SUMF1: variants seen among roughly 807,000 people sequenced by gnomAD.
The protein encoded by SUMF1 is sulfatase modifying factor 1, also known as formylglycine-generating enzyme.
SUMF1 carries 48 observed loss-of-function variants against 47.6 expected under a neutral mutation model. The ratio of observed to expected loss-of-function variants is 1.01; its 90% CI spans 0.80 to 1.28. The LOEUF (loss-of-function observed/expected upper bound fraction) is 1.28, where lower values mean the gene tolerates loss of function less well. Ranked by LOEUF, SUMF1 falls within the 50% of genes most tolerant of loss-of-function variation. The pLI, the probability that SUMF1 is intolerant of heterozygous loss-of-function variation, is 0.00. For missense variants in SUMF1, 571 were observed against 485.4 expected (o/e 1.18, Z -1.66); for synonymous variants, 230 against 192.1 (o/e 1.20, Z -1.63).
chr3:4,283,686 G>T (rs1697574330), intron 8 of SUMF1, among the ~76,000 whole-genome samples: 1 of 152,120 alleles, frequency 6.6e-6, no homozygotes, highest in Non-Finnish European at 1.5e-5. Flanking sequence ...TTAAGAGGAT[G>T]GTGTTATTCA....
intron 8 of SUMF1, among the ~76,000 whole-genome samples, chr3:4,078,497 C>T (rs888012248): frequency 6.6e-6 from 1 of 151,996 alleles, no homozygotes; most frequent in African/African-American, 2.4e-5. Context: ...GAGTAGGAGC[C>T]TCTAAAAAAA....
At chr3:4,280,070 A>T (rs1295462626) in intron 8 of SUMF1, among the ~76,000 whole-genome samples, 2 of 152,164 alleles carry the variant, frequency 1.3e-5, no homozygotes, top group Non-Finnish European at 2.9e-5. Context: ...AACCACTAAG[A>T]CAGTAGATTT....
At chr3:4,200,058 T>C (rs1463036890) in intron 8 of SUMF1, among the ~76,000 whole-genome samples, 1 of 152,082 alleles carries the variant, frequency 6.6e-6, no homozygotes, top group African/African-American at 2.4e-5. Flanking sequence ...TAGCCCAAGG[T>C]CACAAATTTT....
chr3:4,337,834 A>G (rs1014674279), intron 8 of SUMF1, among the ~76,000 whole-genome samples: 2 of 151,860 alleles, frequency 1.3e-5, no homozygotes, highest in African/African-American at 2.4e-5. Context: ...TTTCTTGCCA[A>G]TCTGTATCTC....
chr3:4,089,112 T>C (rs1049963799), intron 8 of SUMF1, among the ~76,000 whole-genome samples: 2 of 152,104 alleles, frequency 1.3e-5, no homozygotes. Context: ...TAACATGAAG[T>C]GCAGATTATG....
intron 8 of SUMF1, among the ~76,000 whole-genome samples, chr3:4,192,746 C>T (rs141868539): frequency 6.6e-6 from 1 of 152,094 alleles, no homozygotes; most frequent in Non-Finnish European, 1.5e-5. Flanking sequence ...GTTAGGCCAA[C>T]CTCCAGGAAG....
intron 8 of SUMF1, among the ~76,000 whole-genome samples, chr3:4,328,891 G>T (rs1037762523): frequency 6.6e-6 from 1 of 152,154 alleles, no homozygotes; most frequent in Non-Finnish European, 1.5e-5. Flanking sequence ...TACAATGGGG[G>T]TACAGGCATT....
chr3:4,360,205 C>CTTTTTTTTTTTTTTTTTTT (rs57690047), downstream of SUMF1, among the ~76,000 whole-genome samples: 3 of 104,140 alleles, frequency 2.9e-5, 1 homozygote, highest in Non-Finnish European at 6.1e-5. Context: ...AATGTTTGTT[C>CTTTTTTTTTTTTTTTTTTT]TTTTTTTTTT....
chr3:4,425,994 C>T (rs1442988696), intron 3 of SUMF1, among the ~76,000 whole-genome samples: 1 of 152,200 alleles, frequency 6.6e-6, no homozygotes, highest in African/African-American at 2.4e-5. Context: ...CTCACAAGAA[C>T]AGTGTGGGAA....
At chr3:4,332,673 C>A (rs187831934) in intron 8 of SUMF1, among the ~76,000 whole-genome samples, 1 of 152,080 alleles carries the variant, frequency 6.6e-6, no homozygotes, top group Non-Finnish European at 1.5e-5. Flanking sequence ...GGAATTTTGG[C>A]TTAGCTTGTT....
At chr3:4,310,874 A>C (rs1403440841) in intron 8 of SUMF1, among the ~76,000 whole-genome samples, 1 of 152,344 alleles carries the variant, frequency 6.6e-6, no homozygotes, top group East Asian at 1.9e-4. Flanking sequence ...GAAAAGTTTA[A>C]CAAAGAGATC....
At chr3:4,073,674 G>C (rs1399684541) in intron 8 of SUMF1, among the ~76,000 whole-genome samples, 2 of 152,126 alleles carry the variant, frequency 1.3e-5, no homozygotes, top group Non-Finnish European at 2.9e-5. Flanking sequence ...AAAACAAAAA[G>C]CAGGGGTTGC....
At chr3:4,178,693 C>T (rs953261726) in intron 8 of SUMF1, among the ~76,000 whole-genome samples, 1 of 152,052 alleles carries the variant, frequency 6.6e-6, no homozygotes, top group Non-Finnish European at 1.5e-5. Flanking sequence ...CTGGCCAGGG[C>T]AATCAGGCAA....
chr3:4,335,960 C>CAAAAAAAACAAAA lies in SUMF1; in HGVS notation c.1014+40369_1014+40370insTTTTGTTTTTTTT, dbSNP rs5846319. On this transcript the variant is annotated intron_variant and NMD_transcript_variant, in intron 8 of 12. Coordinates refer to the SUMF1 transcript ENST00000448413. Reference sequence around the variant, plus strand: ...TGGACAACTGAGTGAGATTCCAACTCAAAAAAAAAAAAAAAAAAAACAGAA... The same window carrying CAAAAAAAACAAAA: ...TGGACAACTGAGTGAGATTCCAACTCAAAAAAAACAAAAAAAAAAAAAAAAAAAAAAAACAGAA... 1.1e-3 allele frequency among the ~76,000 whole-genome samples: 84 copies of CAAAAAAAACAAAA among 73,864 alleles called. 5 individuals carry two copies. Among genetic ancestry groups the CAAAAAAAACAAAA allele is most frequent in the African/African-American group, 3.1e-3 (43 of 14,090 alleles). The allele number at this position is 73,864 out of a possible 152,430, so 48.5% of individuals were successfully genotyped here. A position where few individuals can be genotyped will look rare whatever the true frequency, so the allele number is the denominator to read the frequency against.
At chr3:4,456,658 G>GTATATA (rs1310131227) in intron 1 of SUMF1, among the ~76,000 whole-genome samples, 1 of 126,404 alleles carries the variant, frequency 7.9e-6, no homozygotes, top group East Asian at 2.3e-4. Flanking sequence ...ATATGTGTGT[G>GTATATA]TATATATATA....
chr3:4,255,806 A>G (rs1205881490), intron 8 of SUMF1, among the ~76,000 whole-genome samples: 12 of 102,030 alleles, frequency 1.2e-4, no homozygotes, highest in African/African-American at 5.4e-4. Flanking sequence ...AATCAACAGA[A>G]TATACATTTT....
At chr3:4,450,618 T>C (rs1418643380) in intron 2 of SUMF1, among the ~76,000 whole-genome samples, 1 of 152,164 alleles carries the variant, frequency 6.6e-6, no homozygotes, top group African/African-American at 2.4e-5. Context: ...CCTATCCTTA[T>C]TGTGCTTAAG....
chr3:4,457,095 T>TATATACGTGTGTGTATA (rs1381236588), intron 1 of SUMF1, among the ~76,000 whole-genome samples: 1 of 136,270 alleles, frequency 7.3e-6, no homozygotes, highest in African/African-American at 2.9e-5. Flanking sequence ...TATATATATA[T>TATATACGTGTGTGTATA]TTTTTTTGTT....
intron 8 of SUMF1, among the ~76,000 whole-genome samples, chr3:4,366,699 G>A (rs1269422811): frequency 1.3e-5 from 2 of 152,136 alleles, no homozygotes; most frequent in South Asian, 2.1e-4. Flanking sequence ...ATCGTCTGAA[G>A]CCTTCTTCTC....
Sources: allele counts gnomAD v4.1 joint callset (sites outside exome capture counted in the v4.1 genomes callset), GRCh38; gene constraint gnomAD v4.1.1; transcripts MANE v1.5; gene names NCBI Gene and HGNC (gene_info 2026-07-23, HGNC 2026-07-21).